The following PALM2AKAP2 variants were observed in gnomAD, a reference collection of about 807,000 sequenced individuals.
PALM2AKAP2 encodes PALM2 and AKAP2 fusion.
In PALM2AKAP2, 37 loss-of-function variants were observed where a neutral mutation model predicts 71.5. The observed-to-expected ratio is 0.52, with a 90% CI of 0.40 to 0.68. The LOEUF (loss-of-function observed/expected upper bound fraction) is 0.68, where lower values mean the gene tolerates loss of function less well. Among genes scored for constraint, PALM2AKAP2 ranks in the 30% least tolerant of loss-of-function variants. The pLI is 0.00. For synonymous variants in PALM2AKAP2, 468 were observed against 478.8 expected (o/e 0.98, Z 0.29); for missense variants, 1,224 against 1,191.8 (o/e 1.03, Z -0.40).
chr9:109,832,748 C>G (rs1828338705), intron 1 of PALM2AKAP2, among the ~76,000 whole-genome samples: 1 of 152,174 alleles, frequency 6.6e-6, no homozygotes, highest in Admixed American at 6.5e-5. Context: ...CCCAACAAAA[C>G]CACTCCCCAG....
chr9:109,777,289 A>T (rs1250196469), upstream of PALM2AKAP2, among the ~76,000 whole-genome samples: 1 of 152,170 alleles, frequency 6.6e-6, no homozygotes, highest in Non-Finnish European at 1.5e-5. Flanking sequence ...CCCAAGGCTA[A>T]CTGGCTAATG....
chr9:110,066,172 A>T (rs1834075230), intron 1 of PALM2AKAP2, among the ~76,000 whole-genome samples: 1 of 152,236 alleles, frequency 6.6e-6, no homozygotes, highest in South Asian at 2.1e-4. Context: ...CTATGAGCGT[A>T]GGTGTAGATT....
At chr9:110,081,317 G>A (rs962101471) in intron 1 of PALM2AKAP2, among the ~76,000 whole-genome samples, 2 of 152,122 alleles carry the variant, frequency 1.3e-5, no homozygotes, top group African/African-American at 4.8e-5. Flanking sequence ...TCCACAACTC[G>A]CACCAGAGCA....
chr9:110,081,892 T>C (rs1027522801), intron 1 of PALM2AKAP2, among the ~76,000 whole-genome samples: 1 of 152,116 alleles, frequency 6.6e-6, no homozygotes, highest in African/African-American at 2.4e-5. Flanking sequence ...CAAACCTTCC[T>C]CACCATGCTA....
At chr9:109,840,470 G>A (rs1234069422) in intron 1 of PALM2AKAP2, among the ~76,000 whole-genome samples, 1 of 152,210 alleles carries the variant, frequency 6.6e-6, no homozygotes. Flanking sequence ...AGGACTTCAT[G>A]TCTAAAACAC....
chr9:109,816,681 C>T (rs1827862601), intron 1 of PALM2AKAP2, among the ~76,000 whole-genome samples: 1 of 152,158 alleles, frequency 6.6e-6, no homozygotes. Flanking sequence ...GGTGGGATTT[C>T]ATATAGCTCC....
intron 1 of PALM2AKAP2, among the ~76,000 whole-genome samples, chr9:109,821,824 T>TA (rs1277329589): frequency 6.6e-6 from 1 of 152,202 alleles, no homozygotes; most frequent in Non-Finnish European, 1.5e-5. Flanking sequence ...CCCATTCTCT[T>TA]AGGGATCTTT....
intron 1 of PALM2AKAP2, among the ~76,000 whole-genome samples, chr9:109,725,941 A>T (rs1277076969): frequency 6.6e-6 from 1 of 152,192 alleles, no homozygotes; most frequent in Non-Finnish European, 1.5e-5. Flanking sequence ...CAATTTTTTG[A>T]CATATTTCAA....
chr9:109,653,023 G>A (rs540291837), intron 1 of PALM2AKAP2, among the ~76,000 whole-genome samples: 8 of 151,964 alleles, frequency 5.3e-5, no homozygotes, highest in Non-Finnish European at 1.2e-4. Context: ...TCTTACAACT[G>A]GTTAAGTCAT....
intron 1 of PALM2AKAP2, among the ~76,000 whole-genome samples, chr9:109,699,169 A>C (rs912484936): frequency 1.3e-5 from 2 of 152,270 alleles, no homozygotes; most frequent in Non-Finnish European, 2.9e-5. Flanking sequence ...AAGAATGATC[A>C]CATTAAATCA....
intron 1 of PALM2AKAP2, among the ~76,000 whole-genome samples, chr9:109,666,410 A>G (rs944208775): frequency 6.6e-6 from 1 of 152,202 alleles, no homozygotes; most frequent in Non-Finnish European, 1.5e-5. Flanking sequence ...CAACTCTTAA[A>G]TGCTTTCTGT....
intron 3 of PALM2AKAP2, among the ~76,000 whole-genome samples, chr9:110,160,156 CTATGAAGA>C (rs200027791): frequency 0.013 from 1,997 of 152,304 alleles, 14 homozygotes; most frequent in South Asian, 0.021. Context: ...CCTTGTTCCT[CTATGAAGA>C]TATGAAGATG....
At chr9:109,797,924 A>ATTAGTT (rs1265984148) in intron 1 of PALM2AKAP2, among the ~76,000 whole-genome samples, 1 of 152,134 alleles carries the variant, frequency 6.6e-6, no homozygotes, top group African/African-American at 2.4e-5. Context: ...AAGGTTCTGT[A>ATTAGTT]TTAGTTTTCC....
chr9:109,881,834 C>T (rs1364400410), intron 3 of PALM2AKAP2, among the ~76,000 whole-genome samples: 1 of 150,594 alleles, frequency 6.6e-6, no homozygotes. Context: ...CCTGAAATCT[C>T]ACCACCTGGA....
At chr9:110,035,503 G>GTTGTGTGTTATATATAACATATAT (rs1833379510) in intron 7 of PALM2AKAP2, among the ~76,000 whole-genome samples, 1 of 131,378 alleles carries the variant, frequency 7.6e-6, no homozygotes, top group Admixed American at 7.4e-5. Flanking sequence ...ACATATATAT[G>GTTGTGTGTTATATATAACATATAT]ATATGTTGTG....
At chr9:109,646,003 AAAAG>A (rs1827147718) in intron 1 of PALM2AKAP2, among the ~76,000 whole-genome samples, 1 of 152,194 alleles carries the variant, frequency 6.6e-6, no homozygotes, top group African/African-American at 2.4e-5. Flanking sequence ...AGCAAGCAGA[AAAAG>A]AAATAAAAGA....
At chr9:109,825,692 G>GGA (rs1828129768) in intron 1 of PALM2AKAP2, among the ~76,000 whole-genome samples, 1 of 152,106 alleles carries the variant, frequency 6.6e-6, no homozygotes, top group Non-Finnish European at 1.5e-5. Context: ...TAGAATGGCA[G>GGA]TCATTAAAAA....
At chr9:109,826,183 G>C (rs1420753346) in intron 1 of PALM2AKAP2, among the ~76,000 whole-genome samples, 1 of 145,096 alleles carries the variant, frequency 6.9e-6, no homozygotes, top group Non-Finnish European at 1.5e-5. Flanking sequence ...AGGGACACAG[G>C]AAGGGGAACA....
At chr9:109,822,297 A>ATCCATCCG (rs1353982146) in intron 1 of PALM2AKAP2, among the ~76,000 whole-genome samples, 22 of 151,596 alleles carry the variant, frequency 1.5e-4, no homozygotes, top group African/African-American at 5.3e-4. Context: ...CCATCCATCC[A>ATCCATCCG]TCCATCCATC....
Sources: gnomAD v4.1 joint callset for allele counts (sites outside exome capture counted in the v4.1 genomes callset) on GRCh38, gnomAD v4.1.1 for gene constraint, MANE v1.5 for transcripts, NCBI Gene and HGNC (gene_info 2026-07-23, HGNC 2026-07-21) for gene names.